Variants in RAP1GAP2 observed in about 807,000 individuals in gnomAD.
The protein encoded by RAP1GAP2 is rap1 GTPase-activating protein 2.
In RAP1GAP2, 27 loss-of-function variants were observed where a neutral mutation model predicts 95.0. That is an observed-to-expected ratio of 0.28 (90% CI 0.21 to 0.39). The LOEUF (loss-of-function observed/expected upper bound fraction) is 0.39. RAP1GAP2 is among the 10% of genes least tolerant of loss of function. The pLI, the probability that RAP1GAP2 is intolerant of heterozygous loss-of-function variation, is 1.00. For missense variants in RAP1GAP2, 771 were observed against 970.0 expected (o/e 0.79, Z 2.72); for synonymous variants, 373 against 380.9 (o/e 0.98, Z 0.24).
At chr17:2,918,717 C>T (rs1352560219) in intron 3 of RAP1GAP2, among the ~76,000 whole-genome samples, 6 of 152,088 alleles carry the variant, frequency 3.9e-5, no homozygotes, top group African/African-American at 1.4e-4. Flanking sequence ...ATGAGAAATC[C>T]GCCCTCTGAT....
At chr17:2,824,964 A>G (rs1305753225) in intron 2 of RAP1GAP2, among the ~76,000 whole-genome samples, 2 of 152,020 alleles carry the variant, frequency 1.3e-5, no homozygotes, top group Non-Finnish European at 2.9e-5. Flanking sequence ...CTCTTTTAGG[A>G]GACAAGGTGT....
chr17:2,969,203 G>A (rs367865284), intron 8 of RAP1GAP2, among the ~76,000 whole-genome samples: 1 of 104,758 alleles, frequency 9.5e-6, no homozygotes, highest in Non-Finnish European at 2.2e-5. Flanking sequence ...ATCTGTTTCT[G>A]TATCTAACTA....
In RAP1GAP2 at chr17:3,005,500, T is replaced by G. The variant is rs922145817; in HGVS notation, c.1272+60T>G. 1.9e-6 allele frequency: 3 copies of G among 1,541,218 alleles called. No individual in the cohort carries two copies. The African/African-American group carries it at 4.1e-5, about 21-fold the overall frequency. On this transcript the variant is annotated intron_variant, in intron 15 of 24. Transcript: ENST00000254695. The surrounding 1 kb of genome is among the most constrained non-coding windows in gnomAD (Gnocchi z 5.2). The stretch of plus-strand genomic sequence containing the variant: ...ACGATGCCAGGTCTCAGTGCTTGAG[T>G]AGCAATGGTTGGGATGGAGCCAAAT...
At chr17:2,895,411 C>T (rs1157622636) in intron 2 of RAP1GAP2, among the ~76,000 whole-genome samples, 1 of 152,210 alleles carries the variant, frequency 6.6e-6, no homozygotes, top group East Asian at 1.9e-4. Context: ...TCCTTTCCAG[C>T]AACATGATCT....
rs1261714040 is a variant in RAP1GAP2 at position 2,963,657 on chromosome 17, G to A, written c.279+195G>A. 2.0e-5 allele frequency among the ~76,000 whole-genome samples: 3 copies of A among 152,184 alleles called. No individual in the cohort carries two copies. Among genetic ancestry groups the A allele is most frequent in the Admixed American group, 2.0e-4 (3 of 15,280 alleles). Reference sequence around the variant, plus strand: ...TGGGGGTGCTCATCTAGGCCTTTCAGCCCTGGGGCTACAGGGTTGGCGAAT... The same window carrying A: ...TGGGGGTGCTCATCTAGGCCTTTCAACCCTGGGGCTACAGGGTTGGCGAAT... On this transcript the variant is annotated intron_variant, in intron 6 of 24. Coordinates refer to ENST00000254695, the MANE Select transcript of RAP1GAP2 (RefSeq NM_015085.5). This position sits in a 1 kb window ranked among gnomAD's most constrained non-coding sequence, Gnocchi z 4.8.
At chr17:2,793,077 A>G (rs1289716711), upstream of RAP1GAP2, among the ~76,000 whole-genome samples, 1 of 151,994 alleles carries the variant, frequency 6.6e-6, no homozygotes, top group African/African-American at 2.4e-5. Context: ...ATGAAAGCGC[A>G]TCAACGTATA....
intron 13 of RAP1GAP2, among the ~76,000 whole-genome samples, chr17:2,995,894 C>T (rs537924203): frequency 6.6e-6 from 1 of 152,198 alleles, no homozygotes; most frequent in Admixed American, 6.5e-5. Flanking sequence ...CTGAAGCCGC[C>T]TGTGCCACTT....
At chr17:2,834,329 A>G (rs1199353709) in intron 2 of RAP1GAP2, among the ~76,000 whole-genome samples, 3 of 152,214 alleles carry the variant, frequency 2.0e-5, no homozygotes, top group East Asian at 3.9e-4. Context: ...GAGCCAGCCA[A>G]TTCCCCTTGT....
At chr17:2,849,497 A>C (rs1389752931) in intron 2 of RAP1GAP2, among the ~76,000 whole-genome samples, 1 of 152,182 alleles carries the variant, frequency 6.6e-6, no homozygotes, top group African/African-American at 2.4e-5. Context: ...AGGGCCAGGC[A>C]TGCGTGTCTG....
intron 3 of RAP1GAP2, among the ~76,000 whole-genome samples, chr17:2,910,898 C>A (rs920668018): frequency 2.0e-5 from 3 of 152,176 alleles, no homozygotes; most frequent in Non-Finnish European, 2.9e-5. Context: ...GGGGTTTCCC[C>A]CTGTTGGCCA....
At chr17:2,969,364 A>G (rs548291764) in intron 8 of RAP1GAP2, among the ~76,000 whole-genome samples, 39 of 152,022 alleles carry the variant, frequency 2.6e-4, no homozygotes, top group African/African-American at 9.2e-4. Context: ...ACAAAGCAAA[A>G]ACAAACAAAA....
intron 3 of RAP1GAP2, among the ~76,000 whole-genome samples, chr17:2,916,398 C>T (rs1051474679): frequency 8.5e-5 from 13 of 152,192 alleles, no homozygotes; most frequent in Non-Finnish European, 1.9e-4. Context: ...CACTGGCAGT[C>T]ATTTGGAGTT....
intron 2 of RAP1GAP2, among the ~76,000 whole-genome samples, chr17:2,815,886 T>C (rs2069996745): frequency 6.6e-6 from 1 of 152,244 alleles, no homozygotes; most frequent in South Asian, 2.1e-4. Context: ...ACACTGAGCA[T>C]TGTGTACCGG....
chr17:2,969,496 C>CTTTTTTTTTTTTTTATTTTT (rs2044762887), intron 8 of RAP1GAP2, among the ~76,000 whole-genome samples: 1 of 83,776 alleles, frequency 1.2e-5, no homozygotes, highest in African/African-American at 4.6e-5. Context: ...TATATATATT[C>CTTTTTTTTTTTTTTATTTTT]TTTTTTTTTT....
intron 3 of RAP1GAP2, among the ~76,000 whole-genome samples, chr17:2,918,480 G>A (rs2042643169): frequency 6.7e-6 from 1 of 149,652 alleles, no homozygotes; most frequent in South Asian, 2.1e-4. Flanking sequence ...TCACAGTTCT[G>A]TAGGCTGTAC....
intron 2 of RAP1GAP2, among the ~76,000 whole-genome samples, chr17:2,812,495 G>A (rs1363753131): frequency 1.3e-5 from 2 of 152,112 alleles, no homozygotes; most frequent in Non-Finnish European, 2.9e-5. Context: ...ACTAGACGCT[G>A]GCCCGAAGGC....
At chr17:2,762,020 G>C (rs1200274619) in intron 1 of RAP1GAP2, among the ~76,000 whole-genome samples, 2 of 98,518 alleles carry the variant, frequency 2.0e-5, no homozygotes, top group African/African-American at 7.9e-5. Context: ...ACGGAGTCTT[G>C]CTCTGTTGCC....
Position 2,906,161 on chromosome 17 carries a change from T to C in RAP1GAP2, c.165+793T>C, listed in dbSNP as rs2042193256. Among the ~76,000 whole-genome samples the C allele has an allele frequency of 6.8e-6, 1 of 147,598 alleles. No homozygotes were observed. The highest frequency in any genetic ancestry group is 1.5e-5 in the Non-Finnish European group (1 of 66,606). ...GAGGACTAGTGCTGAAGAAGTCACC[T>C]GCCTCCTGAGTCATCTGAGGGGACA... On this transcript the variant is annotated intron_variant, in intron 3 of 24. Transcript: ENST00000254695. This position sits in a 1 kb window ranked among gnomAD's most constrained non-coding sequence, Gnocchi z 4.3.
chr17:2,969,185 A>C (rs767635636), intron 8 of RAP1GAP2, among the ~76,000 whole-genome samples: 1,528 of 145,986 alleles, frequency 0.01, 11 homozygotes, highest in Middle Eastern at 0.017. Context: ...CTATCTATAT[A>C]TATATATATC....
Sources: gnomAD v4.1 joint callset for allele counts (sites outside exome capture counted in the v4.1 genomes callset) on GRCh38, gnomAD v4.1.1 for gene constraint, Gnocchi (gnomAD v3.1) non-coding constraint, MANE v1.5 for transcripts, NCBI Gene and HGNC (gene_info 2026-07-23, HGNC 2026-07-21) for gene names.